Variants in TRDN observed in about 807,000 individuals in gnomAD.
TRDN encodes the protein triadin in skeletal muscle.
Under a neutral mutation model 149.7 loss-of-function variants are expected in TRDN, and 161 were observed. The observed-to-expected ratio is 1.08, with a 90% confidence interval of 0.95 to 1.23. The LOEUF (loss-of-function observed/expected upper bound fraction) is 1.23, where lower values mean the gene tolerates loss of function less well. Among genes scored for constraint, TRDN ranks in the 50% most tolerant of loss-of-function variants. The pLI, the probability that TRDN is intolerant of heterozygous loss-of-function variation, is 0.00. For synonymous variants in TRDN, 294 were observed against 250.5 expected (o/e 1.17, Z -1.64); for missense variants, 896 against 823.5 (o/e 1.09, Z -1.08).
At chr6:123,423,477 T>C (rs9320932) in intron 12 of TRDN, among the ~76,000 whole-genome samples, 36,429 of 152,046 alleles carry the variant, frequency 0.24, 5,508 homozygotes, top group East Asian at 0.64. Flanking sequence ...GTGAGTTATA[T>C]CAAACATAAA....
In TRDN at chr6:123,626,911, ATTATT is replaced by A. The variant is rs555180710; in HGVS notation, c.22+9838_22+9842del. On this transcript the variant is annotated intron_variant, in intron 1 of 40. Transcript: ENST00000334268. Reference sequence around the variant, plus strand: ...TATAAAATGTTTTTTTTAATTTTTTATTATTTTATTTTATTTTATTTTATTTTATT... The same window carrying A: ...TATAAAATGTTTTTTTTAATTTTTTATTATTTTATTTTATTTTATTTTATT... Among the ~76,000 whole-genome samples, 1,418 of 150,870 alleles carry A rather than the reference ATTATT, an allele frequency of 9.4e-3. 19 individuals are homozygous for A. The highest frequency in any genetic ancestry group is 0.031 in the African/African-American group (1,284 of 41,124).
intron 12 of TRDN, among the ~76,000 whole-genome samples, chr6:123,437,109 C>T (rs754686421): frequency 1.3e-5 from 2 of 151,840 alleles, no homozygotes; most frequent in African/African-American, 4.9e-5. Context: ...AAGCAAAAAT[C>T]GAAACTGTCA....
intron 15 of TRDN, among the ~76,000 whole-genome samples, 175 bp from the exon 16 acceptor site, chr6:123,381,565 G>A (rs1198731044): frequency 1.3e-5 from 2 of 151,708 alleles, no homozygotes; most frequent in Non-Finnish European, 2.9e-5. Context: ...AATTACTGTA[G>A]GTGCTTCCAT....
chr6:123,590,065 T>A (rs1783704441), intron 1 of TRDN, among the ~76,000 whole-genome samples: 1 of 152,176 alleles, frequency 6.6e-6, no homozygotes, highest in Non-Finnish European at 1.5e-5. Flanking sequence ...AATATGTATG[T>A]GTATATGACT....
At chr6:123,316,583 G>T in intron 23 of TRDN, 88 bp from the exon 24 acceptor site, 1 of 1,100,764 alleles carries the variant, frequency 9.1e-7, no homozygotes, top group South Asian at 1.5e-5. Context: ...GGATTAATAG[G>T]TAGGCTTCAC....
chr6:123,610,806 G>GA (rs1423611866), intron 1 of TRDN, among the ~76,000 whole-genome samples: 1 of 151,966 alleles, frequency 6.6e-6, no homozygotes, highest in South Asian at 2.1e-4. Flanking sequence ...TTTAACAAAA[G>GA]AAAAAAACTG....
At chr6:123,282,451 A>G (rs991534975) in intron 24 of TRDN, among the ~76,000 whole-genome samples, 14 of 151,946 alleles carry the variant, frequency 9.2e-5, no homozygotes, top group African/African-American at 3.4e-4. Context: ...TAGATTTAAC[A>G]TATTTTAACA....
At chr6:123,346,132 C>A (rs934728016) in intron 21 of TRDN, among the ~76,000 whole-genome samples, 4 of 151,950 alleles carry the variant, frequency 2.6e-5, no homozygotes, top group Non-Finnish European at 5.9e-5. Context: ...CTTTTAACTT[C>A]GCACCATTAA....
In TRDN at chr6:123,483,225, T is replaced by C. The variant is rs760127743; in HGVS notation, c.853+13968A>G. Among the ~76,000 whole-genome samples the C allele has an allele frequency of 4.0e-4, 61 of 151,078 alleles. 1 individual carries two copies. Among genetic ancestry groups the C allele is most frequent in the Non-Finnish European group, 7.1e-4 (48 of 67,800 alleles). On this transcript the variant is annotated intron_variant, in intron 9 of 40. Coordinates refer to ENST00000334268, the MANE Select transcript of TRDN (RefSeq NM_006073.4). ...TCACGCCATTCTCCTGCCTCAGCCTTCCTAGTAGCTGGGACTACAGGCGTG... is the reference window on the plus strand; with the variant it reads ...TCACGCCATTCTCCTGCCTCAGCCTCCCTAGTAGCTGGGACTACAGGCGTG...
chr6:123,630,040 G>C (rs1785903530), intron 1 of TRDN, among the ~76,000 whole-genome samples: 1 of 151,978 alleles, frequency 6.6e-6, no homozygotes, highest in Non-Finnish European at 1.5e-5. Context: ...ACTGGAGACA[G>C]CAAAAACTTA....
At chr6:123,348,247 A>G (rs1235168458) in intron 21 of TRDN, among the ~76,000 whole-genome samples, 5 of 152,092 alleles carry the variant, frequency 3.3e-5, no homozygotes, top group South Asian at 2.1e-4. Context: ...AATTGGGACA[A>G]TAATAGTCAC....
intron 16 of TRDN, among the ~76,000 whole-genome samples, chr6:123,380,792 C>T (rs1264992085): frequency 6.8e-6 from 1 of 147,682 alleles, no homozygotes; most frequent in African/African-American, 2.5e-5. Context: ...GAAAGACATA[C>T]ATTAAGTTAT....
chr6:123,588,191 G>T (rs991076920), intron 1 of TRDN, among the ~76,000 whole-genome samples: 1 of 152,184 alleles, frequency 6.6e-6, no homozygotes, highest in African/African-American at 2.4e-5. Flanking sequence ...TTCCGCAAGA[G>T]ACAGCCTAAT....
Position 123,375,610 on chromosome 6 carries a change from T to C in TRDN, c.1268A>G (p.Lys423Arg). 1 of 1,533,684 alleles carries C rather than the reference T, an allele frequency of 6.5e-7. No individual in the cohort carries two copies. The highest frequency in any genetic ancestry group is 8.8e-7 in the Non-Finnish European group (1 of 1,139,094). ...AAAAATTTTGTTCAACATACTTGCT[T>C]TTACTTGTTTGTCACTTGGAACTGT... ...EHSVPSDKQV[K>R]AKTERAKEEI... is the part of the protein sequence containing the mutation. The change falls in exon 19 of 41, where the codon AAA becomes AGA. Residue 423 changes from lysine to arginine, a missense_variant. By Grantham distance (26) the Lys-to-Arg change is conservative. Transcript: ENST00000334268.
At chr6:123,548,346 G>T (rs528922194) in intron 3 of TRDN, 108 bp downstream of exon 3, 4 of 786,032 alleles carry the variant, frequency 5.1e-6, no homozygotes, top group Admixed American at 4.3e-5. Flanking sequence ...TATTCATTTT[G>T]GTTTAGCTTG....
At chr6:123,239,513 C>T (rs1775910439) in intron 38 of TRDN, among the ~76,000 whole-genome samples, 1 of 152,002 alleles carries the variant, frequency 6.6e-6, no homozygotes, top group African/African-American at 2.4e-5. Flanking sequence ...ACAAGATAAA[C>T]ACTGAACACA....
intron 34 of TRDN, 136 bp downstream of exon 34, chr6:123,260,476 A>G (rs1009470104): frequency 2.2e-6 from 2 of 913,496 alleles, no homozygotes; most frequent in Non-Finnish European, 3.1e-6. Context: ...GGAAGTCATT[A>G]TGCCTGTTCT....
intron 22 of TRDN, 103 bp from the exon 23 acceptor site, chr6:123,332,032 A>C (rs1410899351): frequency 2.4e-6 from 2 of 843,434 alleles, no homozygotes; most frequent in Non-Finnish European, 3.6e-6. Flanking sequence ...GCTGAAAGTA[A>C]GTGGAAACTT....
chr6:123,498,526 TCC>T (rs1163205319), intron 8 of TRDN: 3 of 470,786 alleles, frequency 6.4e-6, no homozygotes, highest in Non-Finnish European at 1.3e-5. Context: ...GAGCACATTT[TCC>T]CACAGGAGAG....
Sources: gnomAD v4.1 joint callset for allele counts (sites outside exome capture counted in the v4.1 genomes callset) on GRCh38, gnomAD v4.1.1 for gene constraint, MANE v1.5 for transcripts, NCBI Gene and HGNC (gene_info 2026-07-23, HGNC 2026-07-21) for gene names.